The following SAMHD1 variants were observed in gnomAD, a reference collection of about 807,000 sequenced individuals.
SAMHD1 encodes SAM and HD domain containing deoxynucleoside triphosphate triphosphohydrolase 1.
SAMHD1 carries 54 observed loss-of-function variants against 79.6 expected under a neutral mutation model. The ratio of observed to expected loss-of-function variants is 0.68; its 90% CI spans 0.55 to 0.85. The LOEUF is 0.85. Ranked by LOEUF, SAMHD1 falls within the 40% of genes least tolerant of loss-of-function variation. The pLI is 0.00. For missense variants in SAMHD1, 663 were observed against 782.7 expected (o/e 0.85, Z 1.82); for synonymous variants, 260 against 264.1 (o/e 0.98, Z 0.15).
At position 36,890,409 on chromosome 20, in the gene SAMHD1, T is replaced by TCTTTCTTTCTTTCTTTCTTTCTTTCTTA. The variant is rs1568754701; in HGVS notation, c.*2522_*2523insTAAGAAAGAAAGAAAGAAAGAAAGAAAG. ...AGATATTTCTTTCTCTTTCTTTCTT[T>TCTTTCTTTCTTTCTTTCTTTCTTTCTTA]CTTTCTTTCTTTTCTTTCTCTCTTT... On this transcript the variant is annotated 3_prime_UTR_variant, in exon 16 of 16. Coordinates refer to ENST00000646673, the MANE Select transcript of SAMHD1 (RefSeq NM_015474.4). The TCTTTCTTTCTTTCTTTCTTTCTTTCTTA allele has an allele frequency of 6.7e-5, 10 of 149,880 alleles. No homozygotes were observed. Among genetic ancestry groups the TCTTTCTTTCTTTCTTTCTTTCTTTCTTA allele is most frequent in the African/African-American group, 2.5e-4 (10 of 40,650 alleles). The allele number at this position is 149,880 out of a possible 1,614,324, so 9.3% of individuals were successfully genotyped here.
intron 5 of SAMHD1, among the ~76,000 whole-genome samples, chr20:36,928,935 T>C (rs2063552026): frequency 6.6e-6 from 1 of 151,684 alleles, no homozygotes; most frequent in African/African-American, 2.4e-5. Flanking sequence ...CATGTGCCTG[T>C]AGTCCCAGCT....
chr20:36,895,913 A>G (rs1350317534), intron 15 of SAMHD1, among the ~76,000 whole-genome samples: 1 of 152,082 alleles, frequency 6.6e-6, no homozygotes, highest in Non-Finnish European at 1.5e-5. Flanking sequence ...ATGATTCCCT[A>G]AACAATACAG....
intron 3 of SAMHD1, 194 bp from the exon 4 acceptor site, chr20:36,935,383 T>C: frequency 1.7e-6 from 1 of 586,778 alleles, no homozygotes; most frequent in South Asian, 2.0e-5. Context: ...TATATTGGAT[T>C]TGAGTATATT....
chr20:36,935,105 G>C lies in SAMHD1; in HGVS notation c.433C>G (p.Arg145Gly). ...IIDTPQFQRLRYIKQLGGGYY... is the reference protein window; with the variant it reads ...IIDTPQFQRLGYIKQLGGGYY... Reference sequence around the variant, plus strand: ...CCACCTCCCAGCTGTTTGATGTATCGAAGACGTTGAAATTGAGGTGTATCA... The same window carrying C: ...CCACCTCCCAGCTGTTTGATGTATCCAAGACGTTGAAATTGAGGTGTATCA... Residue 145 changes from arginine to glycine, a missense_variant, in exon 4 of 16, where the codon CGA becomes GGA. Transcript: ENST00000646673. 3 of 1,613,920 alleles carry C rather than the reference G, an allele frequency of 1.9e-6. No individual in the cohort carries two copies. The highest frequency in any genetic ancestry group is 1.7e-6 in the Non-Finnish European group (2 of 1,179,850).
intron 4 of SAMHD1, among the ~76,000 whole-genome samples, chr20:36,931,498 A>T (rs1384223746): frequency 6.6e-6 from 1 of 152,088 alleles, no homozygotes; most frequent in Non-Finnish European, 1.5e-5. Context: ...TTAGCTCAGC[A>T]TGGTGGCAGG....
chr20:36,939,249 C>T (rs191033342), intron 3 of SAMHD1, among the ~76,000 whole-genome samples: 1 of 60,130 alleles, frequency 1.7e-5, no homozygotes, highest in African/African-American at 7.1e-5. Context: ...GCGAGACTCC[C>T]TCTCAAAAAA....
intron 2 of SAMHD1, among the ~76,000 whole-genome samples, chr20:36,944,318 C>CAAAAAA (rs34572620): frequency 1.4e-5 from 1 of 71,098 alleles, no homozygotes; most frequent in African/African-American, 5.8e-5. Context: ...GACTTCGTCT[C>CAAAAAA]AAAAAAAAAA....
At chr20:36,939,473 G>C (rs193132011) in intron 3 of SAMHD1, among the ~76,000 whole-genome samples, 5 of 151,864 alleles carry the variant, frequency 3.3e-5, no homozygotes, top group African/African-American at 1.2e-4. Flanking sequence ...GTGTGCACCT[G>C]TAGTCCCAGC....
chr20:36,903,943 A>G (rs1601118298), intron 13 of SAMHD1: 1 of 512,068 alleles, frequency 2.0e-6, no homozygotes, highest in Admixed American at 3.2e-5. Flanking sequence ...AATATAGACA[A>G]TGTAATCACA....
At chr20:36,940,561 T>TAGATCTC in intron 3 of SAMHD1, 1 of 176,384 alleles carries the variant, frequency 5.7e-6, no homozygotes, top group Non-Finnish European at 1.2e-5. Flanking sequence ...TAGCCAGGTG[T>TAGATCTC]GGTGGCATGC....
In SAMHD1 at chr20:36,905,409, C is replaced by A; in HGVS notation, c.1365G>T (p.Lys455Asn). The A allele has an allele frequency of 6.2e-7, 1 of 1,613,846 alleles. No individual in the cohort carries two copies. Among genetic ancestry groups the A allele is most frequent in the Non-Finnish European group, 8.5e-7 (1 of 1,179,786 alleles). The change falls in exon 12 of 16, where the codon AAG (lysine) becomes AAT (asparagine). Residue 455 changes from lysine (K) to asparagine (N), a missense_variant. Physicochemically the swap from Lys to Asn is moderately conservative, Grantham distance 94. Transcript: ENST00000646673. ...LKQIEYRNLFKYVGETQPTGQ... is the reference protein window; with the variant it reads ...LKQIEYRNLFNYVGETQPTGQ... ...CTGTTGGCTGCGTCTCACCCACATA[C>A]TTGAATAGATTACGGTATTCAATTT...
chr20:36,894,704 T>G (rs921594191), intron 15 of SAMHD1, among the ~76,000 whole-genome samples: 1 of 151,224 alleles, frequency 6.6e-6, no homozygotes, highest in Non-Finnish European at 1.5e-5. Context: ...GAGGTGGAGG[T>G]TGCAGTGAGC....
intron 3 of SAMHD1, among the ~76,000 whole-genome samples, chr20:36,937,616 T>G (rs190548692): frequency 6.7e-4 from 102 of 152,298 alleles, no homozygotes; most frequent in African/African-American, 2.4e-3. Context: ...ACTTGTGAAT[T>G]ATATCTCAAT....
Position 36,897,958 on chromosome 20 carries a change from A to G in SAMHD1, c.1610T>C (p.Val537Ala). Residue 537 changes from valine (V) to alanine (A), a missense_variant and splice_region_variant, in exon 15 of 16, where the codon GTT (valine) becomes GCT (alanine). Coordinates refer to ENST00000646673, the MANE Select transcript of SAMHD1 (RefSeq NM_015474.4). ...NRAIRITKNQVSQLLPEKFAE... is the reference protein window; with the variant it reads ...NRAIRITKNQASQLLPEKFAE... ...AAATTTCTCTGGCAGAAGTTGTGAAACCTTTTTAAAATGAAGAGATTTCAC... is the reference window on the plus strand; with the variant it reads ...AAATTTCTCTGGCAGAAGTTGTGAAGCCTTTTTAAAATGAAGAGATTTCAC... The G allele has an allele frequency of 6.2e-7, 1 of 1,614,132 alleles. No individual in the cohort carries two copies. Among genetic ancestry groups the G allele is most frequent in the South Asian group, 1.1e-5 (1 of 91,082 alleles).
Position 36,890,504 on chromosome 20 carries a change from C to T in SAMHD1, c.*2428G>A, listed in dbSNP as rs993696548. On this transcript the variant is annotated 3_prime_UTR_variant, in exon 16 of 16. Transcript: ENST00000646673. ...TTTGAGACAGAGTTTCGCTCTTGAC[C>T]CCGAGGCTGGAGTGCAGTGGCCTGA... The T allele has an allele frequency of 6.6e-6, 1 of 150,676 alleles. No homozygotes were observed. Among genetic ancestry groups the T allele is most frequent in the African/African-American group, 2.4e-5 (1 of 40,928 alleles). 9.3% of individuals were successfully genotyped at this position (150,676 alleles called of 1,614,324 possible).
intron 3 of SAMHD1, among the ~76,000 whole-genome samples, chr20:36,936,591 C>T (rs1425854113): frequency 6.6e-6 from 1 of 152,068 alleles, no homozygotes; most frequent in East Asian, 1.9e-4. Context: ...CAGGCATGAG[C>T]CACCGCGCCT....
At chr20:36,919,011 T>C (rs1195558051) in intron 7 of SAMHD1, among the ~76,000 whole-genome samples, 1 of 148,496 alleles carries the variant, frequency 6.7e-6, no homozygotes, top group Non-Finnish European at 1.5e-5. Context: ...TAGTGCACGT[T>C]TGTGGTCCCA....
At chr20:36,895,731 TAG>T (rs1271056290) in intron 15 of SAMHD1, among the ~76,000 whole-genome samples, 2 of 152,068 alleles carry the variant, frequency 1.3e-5, no homozygotes, top group African/African-American at 4.8e-5. Context: ...TATCTGCAGC[TAG>T]AGTTTTCAGT....
At position 36,941,021 on chromosome 20, in the gene SAMHD1, A is replaced by C. The variant is rs181987130; in HGVS notation, c.348+18T>G. 3.5e-4 allele frequency: 550 copies of C among 1,592,216 alleles called. 2 individuals are homozygous for C. In the African/African-American group the frequency reaches 6.5e-3, roughly 19 times the overall value. On this transcript the variant is annotated intron_variant, in intron 3 of 15. Transcript: ENST00000646673. ...TCACTTTATATTCAAAAAACATAAC[A>C]AACTCAGATCCTCTTACCTTCATTG... is the stretch of plus-strand genomic sequence containing the variant.
Sources: gnomAD v4.1 joint callset for allele counts (sites outside exome capture counted in the v4.1 genomes callset) on GRCh38, gnomAD v4.1.1 for gene constraint, MANE v1.5 for transcripts, NCBI Gene and HGNC (gene_info 2026-07-23, HGNC 2026-07-21) for gene names.